The following NELL2 variants were observed in gnomAD, a reference collection of about 807,000 sequenced individuals.
NELL2 encodes protein kinase C-binding protein NELL2.
NELL2 carries 41 observed loss-of-function variants against 109.6 expected under a neutral mutation model. That is an observed-to-expected ratio of 0.37 (90% CI 0.29 to 0.49). The LOEUF is 0.49. NELL2 is among the 20% of genes least tolerant of loss of function. The pLI, the probability that NELL2 is intolerant of heterozygous loss-of-function variation, is 0.98. For synonymous variants in NELL2, 355 were observed against 344.7 expected (o/e 1.03, Z -0.33); for missense variants, 900 against 1,008.3 (o/e 0.89, Z 1.45).
intron 9 of NELL2, among the ~76,000 whole-genome samples, chr12:44,744,775 G>C (rs1940224122): frequency 6.6e-6 from 1 of 152,154 alleles, no homozygotes. Context: ...TCTCTGAATA[G>C]ACCAATAACA....
At chr12:44,529,540 A>C (rs1035070363) in intron 16 of NELL2, among the ~76,000 whole-genome samples, 1 of 152,082 alleles carries the variant, frequency 6.6e-6, no homozygotes, top group East Asian at 1.9e-4. Flanking sequence ...TTGAGAATGG[A>C]TAGAAAAGAC....
At chr12:44,523,053 A>G in intron 17 of NELL2, 1 of 533,768 alleles carries the variant, frequency 1.9e-6, no homozygotes, top group South Asian at 2.1e-5. Flanking sequence ...AGGCTCTAGA[A>G]AATACAAATT....
chr12:44,880,750 T>C (rs1365229806), upstream of NELL2: 1 of 152,072 alleles, frequency 6.6e-6, no homozygotes, highest in Non-Finnish European at 1.5e-5. Context: ...TTGAGGACTC[T>C]GAAAATTACA....
At chr12:44,526,676 T>C (rs894701089) in intron 16 of NELL2, among the ~76,000 whole-genome samples, 4 of 152,222 alleles carry the variant, frequency 2.6e-5, no homozygotes, top group Non-Finnish European at 5.9e-5. Flanking sequence ...GAACGATGTA[T>C]AGATTTCTGG....
chr12:44,800,473 G>T (rs1033953966), intron 3 of NELL2, among the ~76,000 whole-genome samples: 6 of 152,092 alleles, frequency 3.9e-5, no homozygotes, highest in African/African-American at 1.4e-4. Flanking sequence ...GACTGCAATT[G>T]CACGCTTTCA....
At chr12:44,713,455 T>C (rs184821517) in intron 10 of NELL2, among the ~76,000 whole-genome samples, 1 of 152,038 alleles carries the variant, frequency 6.6e-6, no homozygotes, top group Admixed American at 6.6e-5. Context: ...ATTGTGAGAC[T>C]TACTCCACTT....
At chr12:44,675,083 G>A (rs758436656) in intron 12 of NELL2, among the ~76,000 whole-genome samples, 1 of 152,164 alleles carries the variant, frequency 6.6e-6, no homozygotes, top group African/African-American at 2.4e-5. Flanking sequence ...ACGTGGCAGA[G>A]TGAATTCATT....
At chr12:44,851,940 A>T (rs1250157640) in intron 2 of NELL2, 1 of 152,192 alleles carries the variant, frequency 6.6e-6, no homozygotes, top group African/African-American at 2.4e-5. Flanking sequence ...TTGCCCTTCA[A>T]AAGCATTTGA....
chr12:44,541,726 C>T (rs778379832), intron 15 of NELL2, among the ~76,000 whole-genome samples: 2 of 152,100 alleles, frequency 1.3e-5, no homozygotes, highest in Non-Finnish European at 2.9e-5. Flanking sequence ...CCCAAACATA[C>T]TGAATAAAGA....
rs189234592 is a variant in NELL2 at position 44,687,276 on chromosome 12, C to T, written c.1318+16450G>A. On this transcript the variant is annotated intron_variant, in intron 12 of 19. Transcript: ENST00000429094. Reference sequence around the variant, plus strand: ...GCCCTGCTTTGGCTCGCCCATGGTGCGCGCACCCACTGACCTGCGCCCACT... The same window carrying T: ...GCCCTGCTTTGGCTCGCCCATGGTGTGCGCACCCACTGACCTGCGCCCACT... 7.2e-5 allele frequency among the ~76,000 whole-genome samples: 11 copies of T among 152,292 alleles called. No homozygotes were observed. The East Asian group carries it at 9.7e-4, about 13-fold the overall frequency.
intron 8 of NELL2, 113 bp from the exon 9 acceptor site, chr12:44,774,962 G>A: frequency 1.4e-6 from 1 of 712,248 alleles, no homozygotes; most frequent in South Asian, 2.0e-5. Context: ...AACAGAACAG[G>A]CCATTCATTG....
At chr12:44,563,688 C>T (rs910552589) in intron 15 of NELL2, among the ~76,000 whole-genome samples, 3 of 152,140 alleles carry the variant, frequency 2.0e-5, no homozygotes, top group East Asian at 1.9e-4. Flanking sequence ...TCTTCTAGTG[C>T]CCTGGGGCCA....
At chr12:44,787,988 A>AT (rs1942243572) in intron 3 of NELL2, among the ~76,000 whole-genome samples, 1 of 152,204 alleles carries the variant, frequency 6.6e-6, no homozygotes, top group African/African-American at 2.4e-5. Context: ...ACTTTTGTGC[A>AT]TTTTAAGACC....
intron 2 of NELL2, among the ~76,000 whole-genome samples, chr12:44,820,500 T>G (rs762418696): frequency 2.6e-5 from 4 of 151,430 alleles, no homozygotes; most frequent in Admixed American, 2.6e-4. Context: ...CCCCAGCTAC[T>G]CGGGAGGCTG....
chr12:44,582,559 T>C (rs181042379), intron 15 of NELL2, among the ~76,000 whole-genome samples: 329 of 152,166 alleles, frequency 2.2e-3, no homozygotes, highest in African/African-American at 7.5e-3. Context: ...GTGAAGATAC[T>C]ATGGCATATG....
At chr12:44,728,451 C>A (rs919128571) in intron 9 of NELL2, among the ~76,000 whole-genome samples, 6 of 151,634 alleles carry the variant, frequency 4.0e-5, no homozygotes, top group African/African-American at 1.5e-4. Flanking sequence ...AAAAGGAAAA[C>A]AAATAAAAAA....
chr12:44,775,898 A>G (rs4768073), intron 8 of NELL2, 124 bp downstream of exon 8: 224,593 of 1,057,736 alleles, frequency 0.21, 25,356 homozygotes, highest in South Asian at 0.28. Context: ...AGGTTTGTTG[A>G]CACTTTAGTG....
intron 15 of NELL2, among the ~76,000 whole-genome samples, chr12:44,597,804 A>G (rs1313962298): frequency 6.6e-6 from 1 of 152,234 alleles, no homozygotes; most frequent in Non-Finnish European, 1.5e-5. Flanking sequence ...AGACACCTAA[A>G]GAAAAGAAAA....
chr12:44,680,228 T>C (rs1283507180), intron 12 of NELL2, among the ~76,000 whole-genome samples: 2 of 152,290 alleles, frequency 1.3e-5, no homozygotes, highest in East Asian at 3.9e-4. Context: ...GCCACTCCAA[T>C]TTCCAATTGC....
Sources: allele counts gnomAD v4.1 joint callset (sites outside exome capture counted in the v4.1 genomes callset), GRCh38; gene constraint gnomAD v4.1.1; transcripts MANE v1.5; gene names NCBI Gene and HGNC (gene_info 2026-07-23, HGNC 2026-07-21).